The following FBP1 variants were observed in gnomAD, a reference collection of about 807,000 sequenced individuals.
FBP1 encodes fructose-bisphosphatase 1.
A neutral mutation model predicts 29.9 loss-of-function variants in FBP1; 22 were observed. The observed-to-expected ratio is 0.74, with a 90% CI of 0.53 to 1.05. The LOEUF (loss-of-function observed/expected upper bound fraction) is 1.05, where lower values mean the gene tolerates loss of function less well. Ranked by LOEUF, FBP1 falls within the 50% of genes least tolerant of loss-of-function variation. FBP1 has a pLI of 0.00. For synonymous variants in FBP1, 175 were observed against 178.6 expected (o/e 0.98, Z 0.16); for missense variants, 345 against 448.2 (o/e 0.77, Z 2.08).
In FBP1 at chr9:94,619,874, C is replaced by CAAAAAAAAAAAAAAAAA. The variant is rs56722632; in HGVS notation, c.333+438_333+454dup. Reference sequence around the variant, plus strand: ...GGGCAACAAGAGCAAAACACTGTCTCAAAAAAAAAAAAAAAAAAAAAAAAA... The same window carrying CAAAAAAAAAAAAAAAAA: ...GGGCAACAAGAGCAAAACACTGTCTCAAAAAAAAAAAAAAAAAAAAAAAAAAAAAAAAAAAAAAAAAA... On this transcript the variant is annotated intron_variant, in intron 2 of 6. Coordinates refer to ENST00000375326, the MANE Select transcript of FBP1 (RefSeq NM_000507.4). Among the ~76,000 whole-genome samples, 54 of 99,160 alleles carry CAAAAAAAAAAAAAAAAA rather than the reference C, an allele frequency of 5.4e-4. 1 individual carries two copies. The highest frequency in any genetic ancestry group is 2.9e-3 in the African/African-American group (50 of 17,532). 65.1% of individuals were successfully genotyped at this position (99,160 alleles called of 152,430 possible). A position where few individuals can be genotyped will look rare whatever the true frequency, so the allele number is the denominator to read the frequency against.
chr9:94,609,787 AC>A, intron 4 of FBP1, 133 bp downstream of exon 4: 1 of 1,020,786 alleles, frequency 9.8e-7, no homozygotes, highest in East Asian at 2.5e-5. Flanking sequence ...CCCCCTTTCC[AC>A]CACACATCAT....
intron 4 of FBP1, among the ~76,000 whole-genome samples, chr9:94,608,354 T>A (rs1302752525): frequency 1.3e-5 from 2 of 152,130 alleles, no homozygotes; most frequent in South Asian, 4.2e-4. Context: ...CTTCCAAACA[T>A]TCAGGACTGA....
At chr9:94,606,624 C>A (rs1325003497) in intron 5 of FBP1, among the ~76,000 whole-genome samples, 191 bp downstream of exon 5, 2 of 152,122 alleles carry the variant, frequency 1.3e-5, no homozygotes, top group Non-Finnish European at 2.9e-5. Context: ...TCCACTCCAT[C>A]CCTGCTTCCT....
chr9:94,632,579 A>C (rs1261675654), intron 1 of FBP1, among the ~76,000 whole-genome samples: 2 of 152,002 alleles, frequency 1.3e-5, no homozygotes, highest in Non-Finnish European at 2.9e-5. Flanking sequence ...GAGGCAGGAA[A>C]ATCACCTGAA....
At chr9:94,608,766 C>T (rs1436989116) in intron 4 of FBP1, among the ~76,000 whole-genome samples, 5 of 152,178 alleles carry the variant, frequency 3.3e-5, no homozygotes, top group Non-Finnish European at 7.3e-5. Context: ...AGCCTTCCTG[C>T]CACACACAGA....
chr9:94,611,633 C>T, intron 3 of FBP1, among the ~76,000 whole-genome samples: 1 of 152,026 alleles, frequency 6.6e-6, no homozygotes, highest in African/African-American at 2.4e-5. Context: ...GTGGCATGTG[C>T]CTGTGGCTAC....
intron 3 of FBP1, 127 bp downstream of exon 3, chr9:94,617,641 T>C: frequency 1.4e-6 from 1 of 719,408 alleles, no homozygotes; most frequent in Admixed American, 2.0e-5. Context: ...GAACTTGAGA[T>C]ACAAATCTAC....
At position 94,617,789 on chromosome 9, in the gene FBP1, G is replaced by T; in HGVS notation, c.405C>A (p.Thr135=). 1.9e-6 allele frequency: 3 copies of T among 1,613,126 alleles called. No homozygotes were observed. Among genetic ancestry groups the T allele is most frequent in the Non-Finnish European group, 2.5e-6 (3 of 1,179,112 alleles). ...SNIDCLVSVG[T]IFGIYRKKST... ...TTACCTTTCTATAGATGCCAAAAAT[G>T]GTTCCAACGGACACAAGGCAATCGA... The change falls in exon 3 of 7, where the codon ACC becomes ACA. Residue 135 remains threonine (T), a synonymous_variant. Coordinates refer to ENST00000375326, the MANE Select transcript of FBP1 (RefSeq NM_000507.4).
chr9:94,627,264 A>T (rs1315689899), intron 1 of FBP1, among the ~76,000 whole-genome samples: 1 of 151,690 alleles, frequency 6.6e-6, no homozygotes, highest in African/African-American at 2.4e-5. Flanking sequence ...CTGAGATAGG[A>T]GAGTCACCTG....
At position 94,635,811 on chromosome 9, in the gene FBP1, A is replaced by T. The variant is rs117413510; in HGVS notation, c.170+3330T>A. ...CCAAAGTGCCCCAAAATAGAGAAAAACTTCAATACCTCATGATGTGTGCAG... is the reference window on the plus strand; with the variant it reads ...CCAAAGTGCCCCAAAATAGAGAAAATCTTCAATACCTCATGATGTGTGCAG... On this transcript the variant is annotated intron_variant, in intron 1 of 6. Coordinates refer to ENST00000375326, the MANE Select transcript of FBP1 (RefSeq NM_000507.4). 2.6e-4 allele frequency among the ~76,000 whole-genome samples: 39 copies of T among 152,294 alleles called. No homozygotes were observed. In the East Asian group the frequency reaches 7.3e-3, roughly 29 times the overall value.
At chr9:94,605,773 C>G (rs1330031984) in intron 5 of FBP1, among the ~76,000 whole-genome samples, 197 bp from the exon 6 acceptor site, 1 of 152,144 alleles carries the variant, frequency 6.6e-6, no homozygotes, top group East Asian at 1.9e-4. Context: ...AGCCTCTCAT[C>G]ATCTCACAAT....
intron 3 of FBP1, among the ~76,000 whole-genome samples, chr9:94,610,987 C>T (rs1288943715): frequency 5.3e-5 from 8 of 152,074 alleles, no homozygotes; most frequent in African/African-American, 1.9e-4. Flanking sequence ...CCTCAGCCTC[C>T]CAAGTAGCTG....
At chr9:94,624,791 A>C in intron 1 of FBP1, among the ~76,000 whole-genome samples, 1 of 152,234 alleles carries the variant, frequency 6.6e-6, no homozygotes, top group Non-Finnish European at 1.5e-5. Flanking sequence ...CATTTTTCAC[A>C]TATTTCCAAA....
At chr9:94,616,930 C>T (rs1827872525) in intron 3 of FBP1, among the ~76,000 whole-genome samples, 1 of 151,408 alleles carries the variant, frequency 6.6e-6, no homozygotes, top group Non-Finnish European at 1.5e-5. Flanking sequence ...CTCTCTCTCT[C>T]TCTTTCTCTC....
At position 94,639,386 on chromosome 9, in the gene FBP1, G is replaced by A. The variant is rs2131509546; in HGVS notation, c.-76C>T. ...GCTGCAGGTGCGGGCGGCAAGAGAG[G>A]GCAGTAGGCACTGGCCGCAGGTGCG... On this transcript the variant is annotated 5_prime_UTR_variant, in exon 1 of 7. Coordinates refer to ENST00000375326, the MANE Select transcript of FBP1 (RefSeq NM_000507.4). The A allele has an allele frequency of 6.6e-7, 1 of 1,515,668 alleles. No homozygotes were observed. Among genetic ancestry groups the A allele is most frequent in the East Asian group, 2.4e-5 (1 of 41,168 alleles). The allele number at this position is 1,515,668 out of a possible 1,614,324, so 93.9% of individuals were successfully genotyped here.
Position 94,619,226 on chromosome 9 carries a change from A to G in FBP1, c.333+1103T>C, listed in dbSNP as rs1000623990. Among the ~76,000 whole-genome samples the G allele has an allele frequency of 3.3e-5, 5 of 152,322 alleles. No individual in the cohort carries two copies. The East Asian group carries it at 9.6e-4, about 29-fold the overall frequency. ...GAAAAACATGAACTTCAAGTCTGGC[A>G]TGTACGGCTATTTTAGGAATGATGA... On this transcript the variant is annotated intron_variant, in intron 2 of 6. Coordinates refer to ENST00000375326, the MANE Select transcript of FBP1 (RefSeq NM_000507.4).
Position 94,639,169 on chromosome 9 carries a change from C to T in FBP1, c.142G>A (p.Ala48Thr), listed in dbSNP as rs1360099345. The T allele has an allele frequency of 1.2e-6, 2 of 1,605,046 alleles. No individual in the cohort carries two copies. Among genetic ancestry groups the T allele is most frequent in the Non-Finnish European group, 8.5e-7 (1 of 1,176,082 alleles). ...LCTAVKAISS[A>T]VRKAGIAHLY... is the part of the protein sequence containing the mutation. ...TGCGCGATGCCCGCCTTGCGCACCG[C>T]CGAAGAGATGGCTTTGACTGCTGTG... Residue 48 changes from alanine to threonine, a missense_variant, in exon 1 of 7, where the codon GCG becomes ACG. Ala to Thr is a moderately conservative substitution (Grantham distance 58, BLOSUM62 0). Coordinates refer to ENST00000375326, the MANE Select transcript of FBP1 (RefSeq NM_000507.4).
intron 3 of FBP1, among the ~76,000 whole-genome samples, chr9:94,615,732 C>A (rs1827852377): frequency 6.6e-6 from 1 of 152,030 alleles, no homozygotes; most frequent in Non-Finnish European, 1.5e-5. Context: ...ATAACTGTGC[C>A]ATGGGGGCTC....
chr9:94,639,283 C>T lies in FBP1; in HGVS notation c.28G>A (p.Asp10Asn). 6.2e-7 allele frequency: 1 copy of T among 1,607,682 alleles called. No homozygotes were observed. The highest frequency in any genetic ancestry group is 8.5e-7 in the Non-Finnish European group (1 of 1,177,248). ...ACGAAGCGGGTCAGGGTGTTGACGT[C>T]CGTGTCGAAGGGCGCCTGGTCAGCC... Reference protein sequence around the residue: MADQAPFDTDVNTLTRFVME... With the variant: MADQAPFDTNVNTLTRFVME... Residue 10 changes from aspartate (D) to asparagine (N), a missense_variant, in exon 1 of 7, where the codon GAC becomes AAC. Coordinates refer to ENST00000375326, the MANE Select transcript of FBP1 (RefSeq NM_000507.4).
Sources: allele counts gnomAD v4.1 joint callset (sites outside exome capture counted in the v4.1 genomes callset), GRCh38; gene constraint gnomAD v4.1.1; transcripts MANE v1.5; gene names NCBI Gene and HGNC (gene_info 2026-07-23, HGNC 2026-07-21).